The following SNX9 variants were observed in gnomAD, a reference collection of about 807,000 sequenced individuals.
The protein encoded by SNX9 is sorting nexin 9.
SNX9 carries 44 observed loss-of-function variants against 89.4 expected under a neutral mutation model. The observed-to-expected ratio is 0.49, with a 90% CI of 0.39 to 0.63. SNX9 has a LOEUF of 0.63. SNX9 is among the 30% of genes least tolerant of loss of function. The pLI, the probability that SNX9 is intolerant of heterozygous loss-of-function variation, is 0.00. For synonymous variants in SNX9, 236 were observed against 247.8 expected (o/e 0.95, Z 0.45); for missense variants, 578 against 736.1 (o/e 0.79, Z 2.49).
chr6:157,826,905 A>ATAATATATAAATATATATTATAGTTTATG (rs1781367303), intron 1 of SNX9, among the ~76,000 whole-genome samples: 1 of 80,398 alleles, frequency 1.2e-5, no homozygotes, highest in Admixed American at 1.6e-4. Context: ...TATAGTTTAT[A>ATAATATATAAATATATATTATAGTTTATG]TAATATATAA....
intron 6 of SNX9, among the ~76,000 whole-genome samples, chr6:157,904,543 G>T (rs1043143317): frequency 2.6e-5 from 4 of 151,962 alleles, no homozygotes; most frequent in African/African-American, 9.7e-5. Context: ...CTTACAAGCT[G>T]GTCAAGGAGT....
chr6:157,826,250 G>A (rs1259898587), intron 1 of SNX9, among the ~76,000 whole-genome samples: 1 of 152,100 alleles, frequency 6.6e-6, no homozygotes, highest in African/African-American at 2.4e-5. Context: ...TGTAATCCTA[G>A]CACTTTGGGA....
rs530119312 is a variant in SNX9 at position 157,823,750 on chromosome 6, C to G, written c.12+304C>G. On this transcript the variant is annotated intron_variant, in intron 1 of 17. Coordinates refer to ENST00000392185, the MANE Select transcript of SNX9 (RefSeq NM_016224.5). The surrounding 1 kb of genome is among the most constrained non-coding windows in gnomAD (Gnocchi z 4.6). ...ACCTGAGCGTGGGCTGCGGCGGGCT[C>G]GCCGGGAGGGGCCGCGGGACGGAAA... Among the ~76,000 whole-genome samples the G allele has an allele frequency of 6.6e-6, 1 of 151,900 alleles. No homozygotes were observed. The highest frequency in any genetic ancestry group is 1.5e-5 in the Non-Finnish European group (1 of 67,932).
rs1433948680 is a variant in SNX9 at position 157,944,855 on chromosome 6, G to A, written c.*2017G>A. The A allele has an allele frequency of 6.6e-6, 1 of 152,214 alleles. No homozygotes were observed. The highest frequency in any genetic ancestry group is 1.9e-4 in the East Asian group (1 of 5,202). The allele number at this position is 152,214 out of a possible 1,614,324, so 9.4% of individuals were successfully genotyped here. On this transcript the variant is annotated 3_prime_UTR_variant, in exon 18 of 18. Coordinates refer to ENST00000392185, the MANE Select transcript of SNX9 (RefSeq NM_016224.5). ...GCGTGGTAGCCGACTGTGAGGAAAA[G>A]CAGAGGGAATGTGAAAGAAAATAAG...
intron 16 of SNX9, among the ~76,000 whole-genome samples, chr6:157,940,333 T>C (rs540038480): frequency 1.3e-5 from 2 of 152,382 alleles, no homozygotes; most frequent in African/African-American, 4.8e-5. Flanking sequence ...GGGTGATTTA[T>C]CTGTATTGGA....
chr6:157,838,384 T>G (rs2115111094), intron 1 of SNX9, among the ~76,000 whole-genome samples: 1 of 152,250 alleles, frequency 6.6e-6, no homozygotes, highest in East Asian at 1.9e-4. Context: ...GCATGTATAT[T>G]TTTCTATCCA....
At chr6:157,903,746 C>G (rs1783154705) in intron 6 of SNX9, among the ~76,000 whole-genome samples, 1 of 148,160 alleles carries the variant, frequency 6.7e-6, no homozygotes, top group Non-Finnish European at 1.5e-5. Context: ...CACTTGCTCT[C>G]TGATTTGCTT....
At chr6:157,921,129 T>G (rs1783573914) in intron 9 of SNX9, among the ~76,000 whole-genome samples, 1 of 152,370 alleles carries the variant, frequency 6.6e-6, no homozygotes, top group Admixed American at 6.5e-5. Flanking sequence ...CCTTTCTTGC[T>G]TATAGGACTT....
At position 157,896,905 on chromosome 6, in the gene SNX9, G is replaced by C; in HGVS notation, c.379G>C (p.Ala127Pro). The C allele has an allele frequency of 1.2e-6, 2 of 1,613,384 alleles. No individual in the cohort carries two copies. Among genetic ancestry groups the C allele is most frequent in the Admixed American group, 1.7e-5 (1 of 59,760 alleles). The change falls in exon 5 of 18, where the codon GCC (alanine) becomes CCC (proline). Residue 127 changes from alanine to proline, a missense_variant. This residue lies in a region of SNX9 where 230 missense variants were observed against 244.7 expected (regional missense o/e 0.94). Coordinates refer to ENST00000392185, the MANE Select transcript of SNX9 (RefSeq NM_016224.5). ...CTGGGAAAGCTCAGAAGGCTGGGGG[G>C]CCCAGCCAGAGGGGGCTGGAGCCCA... ...GNWESSEGWG[A>P]QPEGAGAQRN...
At chr6:157,879,154 C>T (rs1782577363) in intron 4 of SNX9, among the ~76,000 whole-genome samples, 1 of 152,194 alleles carries the variant, frequency 6.6e-6, no homozygotes, top group African/African-American at 2.4e-5. Context: ...CCCAGCGGTT[C>T]TGAGTTCCTC....
chr6:157,864,565 G>GT (rs1782213660), intron 1 of SNX9, among the ~76,000 whole-genome samples: 3 of 152,174 alleles, frequency 2.0e-5, no homozygotes, highest in African/African-American at 7.2e-5. Flanking sequence ...AATTTCAGCA[G>GT]GATTCTTGAG....
intron 1 of SNX9, among the ~76,000 whole-genome samples, chr6:157,835,605 A>G (rs554749919): frequency 1.3e-5 from 2 of 151,982 alleles, no homozygotes; most frequent in East Asian, 3.9e-4. Flanking sequence ...AATCGCTGTA[A>G]TCTCCAAGTG....
chr6:157,914,553 T>G (rs1182767924), intron 9 of SNX9, among the ~76,000 whole-genome samples: 1 of 131,844 alleles, frequency 7.6e-6, no homozygotes, highest in Non-Finnish European at 1.6e-5. Context: ...CTCAGCTCAC[T>G]ACAACCTTGA....
chr6:157,932,866 C>CAAAAA (rs10545432), intron 13 of SNX9, among the ~76,000 whole-genome samples: 3 of 39,212 alleles, frequency 7.7e-5, no homozygotes, highest in Admixed American at 3.8e-4. Flanking sequence ...GACCCTGTCT[C>CAAAAA]AAAAAAAAAA....
intron 9 of SNX9, among the ~76,000 whole-genome samples, chr6:157,918,951 A>G (rs147280831): frequency 6.6e-6 from 1 of 152,098 alleles, no homozygotes; most frequent in South Asian, 2.1e-4. Flanking sequence ...TGTGGTAATT[A>G]CTGCTTTCTA....
At chr6:157,935,663 C>T (rs1201855230) in intron 13 of SNX9, among the ~76,000 whole-genome samples, 1 of 152,162 alleles carries the variant, frequency 6.6e-6, no homozygotes, top group Non-Finnish European at 1.5e-5. Flanking sequence ...ACAGTCTCGT[C>T]ATAGGTGTCA....
chr6:157,923,129 AAAAG>A (rs1251059433), intron 10 of SNX9, among the ~76,000 whole-genome samples: 4 of 152,210 alleles, frequency 2.6e-5, no homozygotes. Context: ...TATAAGAGAA[AAAAG>A]AAAGAACTTG....
chr6:157,823,366 G>A lies in SNX9; in HGVS notation c.-69G>A. 2 of 1,262,940 alleles carry A rather than the reference G, an allele frequency of 1.6e-6. No homozygotes were observed. The highest frequency in any genetic ancestry group is 2.0e-6 in the Non-Finnish European group (2 of 995,462). The allele number at this position is 1,262,940 out of a possible 1,614,324, so 78.2% of individuals were successfully genotyped here. On this transcript the variant is annotated 5_prime_UTR_variant, in exon 1 of 18. Transcript: ENST00000392185. This position sits in a 1 kb window ranked among gnomAD's most constrained non-coding sequence, Gnocchi z 4.6. ...CGCCCTCGCCCTTGCCTTTGCCTGC[G>A]CGGCTCAGAATCACCATCCGCGGCG...
Position 157,939,956 on chromosome 6 carries a change from TGGGGGC to T in SNX9, c.1649-926_1649-921del, listed in dbSNP as rs529189612. Among the ~76,000 whole-genome samples the T allele has an allele frequency of 6.0e-4, 82 of 137,470 alleles. 2 individuals are homozygous for T. In the East Asian group the frequency reaches 0.016, roughly 26 times the overall value. 90.2% of individuals were successfully genotyped at this position (137,470 alleles called of 152,430 possible). A position where few individuals can be genotyped will look rare whatever the true frequency, so the allele number is the denominator to read the frequency against. On this transcript the variant is annotated intron_variant, in intron 16 of 17. Transcript: ENST00000392185. ...CTGATGACGAAGACTCCTCTAGAGT[TGGGGGC>T]AGGGGCAGGGGGGACAGAGAAAGAA...
Sources: allele counts gnomAD v4.1 joint callset (sites outside exome capture counted in the v4.1 genomes callset), GRCh38; gene constraint gnomAD v4.1.1; regional missense constraint gnomAD v4.1.1; non-coding constraint Gnocchi (gnomAD v3.1); transcripts MANE v1.5; gene names NCBI Gene and HGNC (gene_info 2026-07-23, HGNC 2026-07-21).